Variants in PUS10 observed in about 807,000 individuals in gnomAD.
PUS10 encodes the protein tRNA pseudouridine synthase Pus10.
Under a neutral mutation model 75.0 loss-of-function variants are expected in PUS10, and 59 were observed. That is an observed-to-expected ratio of 0.79 (90% CI 0.64 to 0.98). The LOEUF (loss-of-function observed/expected upper bound fraction) is 0.98. PUS10 is among the 50% of genes least tolerant of loss of function. PUS10 has a pLI of 0.00. For missense variants in PUS10, 650 were observed against 614.4 expected (o/e 1.06, Z -0.61); for synonymous variants, 219 against 211.6 (o/e 1.03, Z -0.30).
intron 5 of PUS10, among the ~76,000 whole-genome samples, chr2:60,967,924 G>A (rs1281475910): frequency 6.6e-6 from 1 of 152,106 alleles, no homozygotes; most frequent in Non-Finnish European, 1.5e-5. Flanking sequence ...TTATACATCA[G>A]AAGACAGAAA....
intron 8 of PUS10, among the ~76,000 whole-genome samples, chr2:60,964,129 G>T (rs1676196615): frequency 6.6e-6 from 1 of 152,202 alleles, no homozygotes; most frequent in Admixed American, 6.6e-5. Context: ...TAAGCTCAGG[G>T]TGCTGAACAA....
intron 4 of PUS10, among the ~76,000 whole-genome samples, chr2:60,998,034 A>C (rs941136675): frequency 4.6e-5 from 7 of 152,228 alleles, no homozygotes; most frequent in Non-Finnish European, 8.8e-5. Context: ...TAATGAACAA[A>C]GATGACAGCT....
Position 61,006,725 on chromosome 2 carries a change from G to C in PUS10, c.382-82C>G, listed in dbSNP as rs189738144. The C allele has an allele frequency of 1.8e-4, 195 of 1,084,684 alleles. 2 individuals are homozygous for C. In the Admixed American group the frequency reaches 4.8e-3, roughly 27 times the overall value. The allele number at this position is 1,084,684 out of a possible 1,614,324, so 67.2% of individuals were successfully genotyped here. A position where few individuals can be genotyped will look rare whatever the true frequency, so the allele number is the denominator to read the frequency against. ...CCTAATCTTAATAACATGAATTTCT[G>C]GTCCAGGAGATGACATGGCAAAACT... is the stretch of plus-strand genomic sequence containing the variant. On this transcript the variant is annotated intron_variant, in intron 3 of 17. Coordinates refer to ENST00000316752, the MANE Select transcript of PUS10 (RefSeq NM_144709.4).
chr2:60,952,586 A>G (rs985728841), intron 15 of PUS10, among the ~76,000 whole-genome samples: 2 of 152,230 alleles, frequency 1.3e-5, no homozygotes, highest in African/African-American at 4.8e-5. Context: ...GACCAAAGAT[A>G]ATAATAGCAT....
At chr2:60,968,402 C>T (rs1361679256) in intron 5 of PUS10, among the ~76,000 whole-genome samples, 2 of 152,122 alleles carry the variant, frequency 1.3e-5, no homozygotes, top group African/African-American at 4.8e-5. Flanking sequence ...ATAATTAAAA[C>T]TTCAAACCAG....
chr2:61,007,472 A>C (rs1679294343), intron 3 of PUS10, among the ~76,000 whole-genome samples: 1 of 151,854 alleles, frequency 6.6e-6, no homozygotes, highest in Non-Finnish European at 1.5e-5. Flanking sequence ...AAAAAGACAA[A>C]AACAGAAACC....
At position 60,940,626 on chromosome 2, in the gene PUS10, A is replaced by G. The variant is rs1053862; in HGVS notation, c.*1769T>C. On this transcript the variant is annotated 3_prime_UTR_variant, in exon 18 of 18. Coordinates refer to ENST00000316752, the MANE Select transcript of PUS10 (RefSeq NM_144709.4). ...AGGAATAGAAATTTAAGAAATAGAA[A>G]TCTTCTCATTTCAGTTTGCTAAGCA... 0.47 allele frequency: 71,832 copies of G among 152,094 alleles called. 18,902 individuals carry two copies. Among genetic ancestry groups the G allele is most frequent in the Middle Eastern group, 0.63 (186 of 294 alleles). 9.4% of individuals were successfully genotyped at this position (152,094 alleles called of 1,614,324 possible).
chr2:60,956,962 G>A (rs186163116), intron 11 of PUS10, among the ~76,000 whole-genome samples: 299 of 102,954 alleles, frequency 2.9e-3, no homozygotes, highest in African/African-American at 0.012. Context: ...GTGACAGAGC[G>A]AGACTCCATC....
intron 4 of PUS10, among the ~76,000 whole-genome samples, chr2:60,991,235 A>G (rs1169151962): frequency 6.6e-6 from 1 of 152,226 alleles, no homozygotes; most frequent in Non-Finnish European, 1.5e-5. Flanking sequence ...ATGCAGAAGA[A>G]TATAATCCCA....
Position 60,954,119 on chromosome 2 carries a change from A to T in PUS10, c.1097T>A (p.Val366Glu). 1 of 1,614,170 alleles carries T rather than the reference A, an allele frequency of 6.2e-7. No individual in the cohort carries two copies. The highest frequency in any genetic ancestry group is 2.2e-5 in the East Asian group (1 of 44,888). ...CTTAATTTCTTGTGAAGTGAAATGT[A>T]CTCTATGAGGATTCACCAGCTCAAT... Reference protein sequence around the residue: ...FAIELVNPHRVHFTSQEIKEL... With the variant: ...FAIELVNPHREHFTSQEIKEL... The change falls in exon 13 of 18, where the codon GTA (valine) becomes GAA (glutamate). Residue 366 changes from valine (V) to glutamate (E), a missense_variant. Transcript: ENST00000316752.
chr2:60,991,353 A>T (rs956665716), intron 4 of PUS10, among the ~76,000 whole-genome samples: 2 of 140,718 alleles, frequency 1.4e-5, no homozygotes, highest in Non-Finnish European at 3.2e-5. Context: ...GTCACATGAG[A>T]TTTAAACATG....
At chr2:60,951,675 C>T (rs1194601236) in intron 15 of PUS10, among the ~76,000 whole-genome samples, 1 of 152,198 alleles carries the variant, frequency 6.6e-6, no homozygotes, top group East Asian at 1.9e-4. Flanking sequence ...ATAGATGAAG[C>T]TTTGCTGTCT....
chr2:60,950,156 C>T (rs909178345), intron 15 of PUS10, among the ~76,000 whole-genome samples: 26 of 152,202 alleles, frequency 1.7e-4, no homozygotes, highest in Non-Finnish European at 3.2e-4. Flanking sequence ...AATCACAGAT[C>T]TAAGAACTGG....
At chr2:60,998,980 G>A (rs558142628) in intron 4 of PUS10, 57 of 152,388 alleles carry the variant, frequency 3.7e-4, no homozygotes, top group African/African-American at 1.3e-3. Flanking sequence ...ACCATATCAA[G>A]TTGCAAATTG....
At chr2:60,963,029 A>G in intron 8 of PUS10, 139 bp from the exon 9 acceptor site, 1 of 1,366,706 alleles carries the variant, frequency 7.3e-7, no homozygotes, top group Non-Finnish European at 9.4e-7. Context: ...GAAATACTTA[A>G]GCATTTCAAG....
At chr2:61,016,693 G>C (rs1316315286) in intron 1 of PUS10, among the ~76,000 whole-genome samples, 1 of 152,182 alleles carries the variant, frequency 6.6e-6, no homozygotes, top group Non-Finnish European at 1.5e-5. Flanking sequence ...GCTTACTGGA[G>C]GAGAGGAAGG....
At chr2:60,999,306 G>A (rs1446379327) in intron 4 of PUS10, among the ~76,000 whole-genome samples, 1 of 152,070 alleles carries the variant, frequency 6.6e-6, no homozygotes, top group Non-Finnish European at 1.5e-5. Context: ...AAGTTTAGAG[G>A]AATCAATCAT....
At chr2:60,972,384 G>A (rs1220878006) in intron 4 of PUS10, among the ~76,000 whole-genome samples, 1 of 151,686 alleles carries the variant, frequency 6.6e-6, no homozygotes, top group Non-Finnish European at 1.5e-5. Context: ...GCAGGATAAT[G>A]GCGTGAACCC....
intron 6 of PUS10, 132 bp from the exon 7 acceptor site, chr2:60,965,616 G>T: frequency 1.6e-6 from 1 of 626,628 alleles, no homozygotes; most frequent in Non-Finnish European, 2.7e-6. Context: ...AAATACTACT[G>T]CTCTCAAATC....
Sources: allele counts gnomAD v4.1 joint callset (sites outside exome capture counted in the v4.1 genomes callset), GRCh38; gene constraint gnomAD v4.1.1; transcripts MANE v1.5; gene names NCBI Gene and HGNC (gene_info 2026-07-23, HGNC 2026-07-21).